SETD2: variants seen among roughly 807,000 people sequenced by gnomAD.
SETD2 encodes SET domain containing 2, histone lysine methyltransferase.
SETD2 carries 31 observed loss-of-function variants against 242.1 expected under a neutral mutation model. The observed-to-expected ratio is 0.13, with a 90% CI of 0.10 to 0.17. SETD2 has a LOEUF of 0.17. Among genes scored for constraint, SETD2 ranks in the 10% least tolerant of loss-of-function variants. SETD2 has a pLI of 1.00. For missense variants in SETD2, 2,481 were observed against 3,046.3 expected (o/e 0.81, Z 4.37); for synonymous variants, 1,006 against 1,066.5 (o/e 0.94, Z 1.11).
At position 47,122,762 on chromosome 3, in the gene SETD2, G is replaced by A. The variant is rs923379270; in HGVS notation, c.1874C>T (p.Pro625Leu). The A allele has an allele frequency of 2.5e-6, 4 of 1,610,414 alleles. No individual in the cohort carries two copies. The highest frequency in any genetic ancestry group is 3.4e-6 in the Non-Finnish European group (4 of 1,178,980). Residue 625 changes from proline (P) to leucine (L), a missense_variant, in exon 3 of 21, where the codon CCT (proline) becomes CTT (leucine). Physicochemically the swap from Pro to Leu is moderately conservative, Grantham distance 98. This residue lies in a region of SETD2 where 1,300 missense variants were observed against 1,259.2 expected (regional missense o/e 1.03). Transcript: ENST00000409792. ...CAATTCATCTAGCTTTTTTAAAGTAGGTGAATCATTTAATCGATTTGATGG... is the reference window on the plus strand; with the variant it reads ...CAATTCATCTAGCTTTTTTAAAGTAAGTGAATCATTTAATCGATTTGATGG... ...PAPSNRLNDS[P>L]TLKKLDELPI...
rs1167181294 is a variant in SETD2, at chr3:47,056,012, C to CAAA, written c.6963+806_6963+808dup. On this transcript the variant is annotated intron_variant, in intron 15 of 20. Coordinates refer to ENST00000409792, the MANE Select transcript of SETD2 (RefSeq NM_014159.7). ...TGGGGGACAGAGCGAGACTCCGTCTCAAAAAAAAAAAAAAAAAAAAAAAAA... is the reference window on the plus strand; with the variant it reads ...TGGGGGACAGAGCGAGACTCCGTCTCAAAAAAAAAAAAAAAAAAAAAAAAAAAA... Among the ~76,000 whole-genome samples, 75 of 39,560 alleles carry CAAA rather than the reference C, an allele frequency of 1.9e-3. 12 individuals carry two copies. The highest frequency in any genetic ancestry group is 2.7e-3 in the African/African-American group (23 of 8,472). 26.0% of individuals were successfully genotyped at this position (39,560 alleles called of 152,430 possible).
intron 9 of SETD2, among the ~76,000 whole-genome samples, chr3:47,088,900 A>T (rs1318034994): frequency 1.3e-5 from 2 of 152,198 alleles, no homozygotes; most frequent in Non-Finnish European, 2.9e-5. Context: ...TTGAAGCAAT[A>T]TTTATAATAG....
chr3:47,088,041 T>G, intron 10 of SETD2, 72 bp downstream of exon 10: 2 of 1,416,688 alleles, frequency 1.4e-6, no homozygotes, highest in Non-Finnish European at 1.9e-6. Flanking sequence ...GAATTATTCC[T>G]TCTTCATTCA....
At chr3:47,024,921 T>G (rs1179537169) in intron 18 of SETD2, among the ~76,000 whole-genome samples, 1 of 152,128 alleles carries the variant, frequency 6.6e-6, no homozygotes, top group Non-Finnish European at 1.5e-5. Flanking sequence ...TACAAGACAA[T>G]GAAGGGAACA....
chr3:47,102,701 G>C (rs1476688838), intron 7 of SETD2, among the ~76,000 whole-genome samples: 1 of 150,674 alleles, frequency 6.6e-6, no homozygotes, highest in Non-Finnish European at 1.5e-5. Flanking sequence ...GGCTGAGGCA[G>C]GAGAATCGCA....
chr3:47,147,678 C>A (rs2043889537), intron 1 of SETD2, among the ~76,000 whole-genome samples: 1 of 151,436 alleles, frequency 6.6e-6, no homozygotes, highest in Non-Finnish European at 1.5e-5. Context: ...AATCCCAGCA[C>A]TTTGGGAGGC....
rs1283760445 is a variant in SETD2 at position 47,122,384 on chromosome 3, G to T, written c.2252C>A (p.Pro751His). ...TTTATCTTGGTGTGGTGACACCAGA[G>T]GTTCTGTTTCTCTAAATGGGCTTTC... Reference protein sequence around the residue: ...KSESPFRETEPLVSPHQDKLM... With the variant: ...KSESPFRETEHLVSPHQDKLM... Residue 751 changes from proline to histidine, a missense_variant, in exon 3 of 21, where the codon CCT (proline) becomes CAT (histidine). This residue lies in a region of SETD2 where 1,300 missense variants were observed against 1,259.2 expected (regional missense o/e 1.03). Transcript: ENST00000409792. 1.2e-6 allele frequency: 2 copies of T among 1,613,798 alleles called. No individual in the cohort carries two copies. Among genetic ancestry groups the T allele is most frequent in the African/African-American group, 2.7e-5 (2 of 74,920 alleles).
intron 12 of SETD2, among the ~76,000 whole-genome samples, chr3:47,075,978 A>G (rs1043828687): frequency 6.6e-6 from 1 of 152,250 alleles, no homozygotes; most frequent in Non-Finnish European, 1.5e-5. Flanking sequence ...TTGAAATGTC[A>G]AACTACATTA....
At chr3:47,081,185 A>G (rs1174615248) in intron 12 of SETD2, 45 of 596,542 alleles carry the variant, frequency 7.5e-5, no homozygotes, top group Non-Finnish European at 9.3e-5. Context: ...ACCCTCTTTC[A>G]TTTACTGATG....
At chr3:47,073,450 G>A (rs975819692) in intron 12 of SETD2, among the ~76,000 whole-genome samples, 14 of 152,268 alleles carry the variant, frequency 9.2e-5, no homozygotes, top group East Asian at 3.9e-4. Flanking sequence ...GAGGGGAAGC[G>A]CAAGTAGGTC....
In SETD2 at chr3:47,122,514, A is replaced by C. The variant is rs2043139933; in HGVS notation, c.2122T>G (p.Ser708Ala). 2 of 1,614,118 alleles carry C rather than the reference A, an allele frequency of 1.2e-6. No homozygotes were observed. The highest frequency in any genetic ancestry group is 4.5e-5 in the East Asian group (2 of 44,868). Reference sequence around the variant, plus strand: ...AGCATGCATGCTTTGACCAAAGGGGATAATTCCGATCCAGTCACACTATCA... The same window carrying C: ...AGCATGCATGCTTTGACCAAAGGGGCTAATTCCGATCCAGTCACACTATCA... ...SDDSVTGSEL[S>A]PLVKACMLSS... is the part of the protein sequence containing the mutation. The change falls in exon 3 of 21, where the codon TCC becomes GCC. Residue 708 changes from serine (S) to alanine (A), a missense_variant. This residue lies in a region of SETD2 where 1,300 missense variants were observed against 1,259.2 expected (regional missense o/e 1.03). Coordinates refer to ENST00000409792, the MANE Select transcript of SETD2 (RefSeq NM_014159.7).
Position 47,116,607 on chromosome 3 carries a change from A to ATT in SETD2, c.4586+14_4586+15dup, listed in dbSNP as rs765070542. ...TAGAAGTGTTGAGCAAAAGCCGAGT[A>ATT]TTCTAATTTACTTACCATTCAATCA... On this transcript the variant is annotated intron_variant, in intron 4 of 20. Transcript: ENST00000409792. 49 of 1,600,576 alleles carry ATT rather than the reference A, an allele frequency of 3.1e-5. 1 individual carries two copies. The South Asian group carries it at 5.6e-4, about 18-fold the overall frequency.
At chr3:47,048,834 ATTTTT>A (rs2039657645) in intron 15 of SETD2, among the ~76,000 whole-genome samples, 1 of 151,522 alleles carries the variant, frequency 6.6e-6, no homozygotes, top group African/African-American at 2.4e-5. Context: ...CGCCTGGCTA[ATTTTT>A]TTTATTTTAG....
intron 18 of SETD2, among the ~76,000 whole-genome samples, chr3:47,025,957 G>A (rs1196014742): frequency 1.3e-5 from 2 of 152,162 alleles, no homozygotes; most frequent in Non-Finnish European, 2.9e-5. Context: ...TGACAAATGG[G>A]ATCTAATTAA....
chr3:47,138,491 G>A (rs373805179), intron 1 of SETD2, among the ~76,000 whole-genome samples: 2 of 151,484 alleles, frequency 1.3e-5, no homozygotes, highest in Non-Finnish European at 2.9e-5. Flanking sequence ...GCATGATCTC[G>A]GCTCACCACA....
chr3:47,070,921 C>T (rs1012300617), intron 12 of SETD2, among the ~76,000 whole-genome samples: 5 of 151,976 alleles, frequency 3.3e-5, no homozygotes, highest in Non-Finnish European at 5.9e-5. Flanking sequence ...GTGTGTATAG[C>T]GATGGGGTCT....
At chr3:47,078,686 T>C (rs2041200627) in intron 12 of SETD2, among the ~76,000 whole-genome samples, 1 of 152,092 alleles carries the variant, frequency 6.6e-6, no homozygotes, top group Non-Finnish European at 1.5e-5. Context: ...TTTTAGGAAA[T>C]ACACAATATC....
intron 9 of SETD2, among the ~76,000 whole-genome samples, chr3:47,094,615 C>A (rs186972031): frequency 1.3e-5 from 2 of 152,238 alleles, no homozygotes; most frequent in Admixed American, 1.3e-4. Flanking sequence ...AACTCAGAAT[C>A]CAGGCATGCA....
chr3:47,112,139 A>C (rs2042679386), intron 5 of SETD2, among the ~76,000 whole-genome samples: 1 of 145,070 alleles, frequency 6.9e-6, no homozygotes, highest in African/African-American at 2.6e-5. Flanking sequence ...TTTTGGAGAC[A>C]GTCTCGCTCT....
Sources: gnomAD v4.1 joint callset for allele counts (sites outside exome capture counted in the v4.1 genomes callset) on GRCh38, gnomAD v4.1.1 for gene constraint, gnomAD v4.1.1 regional missense constraint, MANE v1.5 for transcripts, NCBI Gene and HGNC (gene_info 2026-07-23, HGNC 2026-07-21) for gene names.